CLCN5: variants seen among roughly 807,000 people sequenced by gnomAD.
The protein encoded by CLCN5 is Cl-/H+ antiporter 5, also known as H(+)/Cl(-) exchange transporter 5.
Under a neutral mutation model 54.0 loss-of-function variants are expected in CLCN5, and 17 were observed. That is an observed-to-expected ratio of 0.31 (90% CI 0.22 to 0.47). The LOEUF (loss-of-function observed/expected upper bound fraction) is 0.47, where lower values mean the gene tolerates loss of function less well. Among genes scored for constraint, CLCN5 ranks in the 20% least tolerant of loss-of-function variants. The probability of loss-of-function intolerance (pLI) is 1.00; values close to 1 mark genes in which losing one functional copy is unlikely to be tolerated. For synonymous variants in CLCN5, 222 were observed against 233.0 expected (o/e 0.95, Z 0.43); for missense variants, 448 against 646.7 (o/e 0.69, Z 3.33).
chrX:50,039,473 A>G (rs1932128324), intron 3 of CLCN5, among the ~76,000 whole-genome samples: 1 of 111,893 alleles, frequency 8.9e-6, no homozygotes, highest in Non-Finnish European at 1.9e-5. Context: ...CTTGCTTAGG[A>G]GATCCAAATG....
chrX:49,992,467 A>G (rs1015163616), intron 3 of CLCN5, among the ~76,000 whole-genome samples: 1 of 111,141 alleles, frequency 9.0e-6, no homozygotes, highest in Middle Eastern at 4.7e-3. Flanking sequence ...TAAAATTCCC[A>G]GTGACTGTCC....
rs782306046 is a variant in CLCN5 at position 50,080,695 on chromosome X, C to T, written c.705C>T (p.Ala235=). 8.3e-7 allele frequency: 1 copy of T among 1,205,038 alleles called. No individual in the cohort carries two copies. The highest frequency in any genetic ancestry group is 1.1e-6 in the Non-Finnish European group (1 of 889,812). ...VSLVKVFAPY[A]CGSGIPEIKT... is the part of the protein sequence containing the mutation. ...TTGTCAAGGTGTTTGCGCCTTATGC[C>T]TGTGGCTCTGGAATCCCTGAGGTGA... Residue 235 remains alanine (A), a synonymous_variant, in exon 8 of 15, where the codon GCC becomes GCT. Transcript: ENST00000376091.
intron 3 of CLCN5, among the ~76,000 whole-genome samples, chrX:49,974,763 C>T (rs190610856): frequency 9.0e-6 from 1 of 111,422 alleles, no homozygotes; most frequent in East Asian, 2.8e-4. Flanking sequence ...AGGGAGAAAA[C>T]GAAGTGAAAG....
rs150341909 is a variant in CLCN5, at chrX:49,932,515, C to T, written c.16+7201C>T. 7.3e-3 allele frequency among the ~76,000 whole-genome samples: 813 copies of T among 112,136 alleles called. 5 individuals carry two copies. The highest frequency in any genetic ancestry group is 0.032 in the Middle Eastern group (7 of 216). ...AAGTACCTGGCAGCAAGGAGCGCAGCATGTGTGGCCCCCTGGACAACTGCT... is the reference window on the plus strand; with the variant it reads ...AAGTACCTGGCAGCAAGGAGCGCAGTATGTGTGGCCCCCTGGACAACTGCT... On this transcript the variant is annotated intron_variant, in intron 3 of 14. Coordinates refer to ENST00000376091, the MANE Select transcript of CLCN5 (RefSeq NM_001127898.4).
chrX:49,930,208 A>G (rs190737082), intron 3 of CLCN5, among the ~76,000 whole-genome samples: 1 of 112,245 alleles, frequency 8.9e-6, no homozygotes, highest in Non-Finnish European at 1.9e-5. Flanking sequence ...CAAAGATTAA[A>G]AAGGAATGAC....
intron 3 of CLCN5, among the ~76,000 whole-genome samples, chrX:49,954,451 C>A (rs782214377): frequency 9.0e-6 from 1 of 111,471 alleles, no homozygotes; most frequent in African/African-American, 3.3e-5. Context: ...AGATTGGACA[C>A]CCCTGTTCTA....
intron 7 of CLCN5, among the ~76,000 whole-genome samples, chrX:50,077,487 T>G (rs1172704774): frequency 9.3e-6 from 1 of 107,389 alleles, no homozygotes; most frequent in Non-Finnish European, 1.9e-5. Context: ...TCAGCTCTGC[T>G]CCCGGGTACC....
At chrX:50,009,578 G>T (rs1557182136) in intron 3 of CLCN5, 1 of 314,389 alleles carries the variant, frequency 3.2e-6, no homozygotes, top group Non-Finnish European at 6.2e-6. Flanking sequence ...CCTTGTGCAG[G>T]GGGATGAATA....
rs1292251538 is a variant in CLCN5 at position 50,080,680 on chromosome X, G to T, written c.690G>T (p.Val230=). Residue 230 remains valine (V), a synonymous_variant, in exon 8 of 15, where the codon GTG becomes GTT. Transcript: ENST00000376091. ...FAFLAVSLVK[V]FAPYACGSGI... is the part of the protein sequence containing the mutation. ...TCCTTGCCGTATCTCTTGTCAAGGT[G>T]TTTGCGCCTTATGCCTGTGGCTCTG... 8.3e-7 allele frequency: 1 copy of T among 1,205,528 alleles called. No homozygotes were observed. The highest frequency in any genetic ancestry group is 2.2e-5 in the Admixed American group (1 of 45,984).
chrX:50,035,381 C>T (rs1015348442), intron 3 of CLCN5, among the ~76,000 whole-genome samples: 1 of 111,556 alleles, frequency 9.0e-6, no homozygotes, highest in African/African-American at 3.3e-5. Flanking sequence ...CCCTTCCTCC[C>T]CAACTGGAAT....
chrX:49,935,226 C>T (rs1162790258), intron 3 of CLCN5, among the ~76,000 whole-genome samples: 2 of 112,024 alleles, frequency 1.8e-5, no homozygotes, highest in African/African-American at 3.2e-5. Flanking sequence ...CTGCAGTCCA[C>T]CCCTGCTGGC....
At chrX:49,999,194 C>T (rs1196336112) in intron 3 of CLCN5, among the ~76,000 whole-genome samples, 2 of 110,951 alleles carry the variant, frequency 1.8e-5, no homozygotes, top group African/African-American at 6.6e-5. Flanking sequence ...AGACCTACGT[C>T]TGTGTACATC....
chrX:49,980,909 T>A (rs1014693754), intron 3 of CLCN5, among the ~76,000 whole-genome samples: 5 of 111,799 alleles, frequency 4.5e-5, no homozygotes, highest in Non-Finnish European at 9.4e-5. Flanking sequence ...TATTATTTTC[T>A]ATATTAAGTT....
intron 4 of CLCN5, 34 bp downstream of exon 4, chrX:50,042,496 T>G: frequency 1.1e-6 from 1 of 939,618 alleles, no homozygotes; most frequent in Non-Finnish European, 1.4e-6. Flanking sequence ...TTATCTTAAT[T>G]TTTTAAAATT....
intron 3 of CLCN5, among the ~76,000 whole-genome samples, chrX:49,940,600 A>G (rs1355697145): frequency 2.7e-5 from 3 of 112,268 alleles, no homozygotes; most frequent in Non-Finnish European, 5.6e-5. Context: ...TCCCACCCAT[A>G]ATACCTAATA....
At chrX:50,042,198 TAGTA>T (rs1281088001) in intron 3 of CLCN5, 114 bp from the exon 4 acceptor site, 4 of 329,273 alleles carry the variant, frequency 1.2e-5, no homozygotes, top group Non-Finnish European at 2.2e-5. Flanking sequence ...TAGTTGCACA[TAGTA>T]AGTGTACTCA....
At chrX:49,951,800 G>T (rs1298852247) in intron 3 of CLCN5, among the ~76,000 whole-genome samples, 1 of 111,888 alleles carries the variant, frequency 8.9e-6, no homozygotes, top group African/African-American at 3.2e-5. Flanking sequence ...TTCACCAAAC[G>T]GAAACTCTGT....
chrX:49,946,234 G>T (rs782400483), intron 3 of CLCN5, among the ~76,000 whole-genome samples: 1 of 112,002 alleles, frequency 8.9e-6, no homozygotes, highest in East Asian at 2.8e-4. Flanking sequence ...GCTGCATAAT[G>T]AATTACCACA....
At chrX:49,975,308 G>C (rs1275924624) in intron 3 of CLCN5, among the ~76,000 whole-genome samples, 1 of 111,879 alleles carries the variant, frequency 8.9e-6, no homozygotes, top group Non-Finnish European at 1.9e-5. Context: ...TCTGAGGCTA[G>C]TAGAAAGAAA....
Sources: gnomAD v4.1 joint callset for allele counts (sites outside exome capture counted in the v4.1 genomes callset) on GRCh38, gnomAD v4.1.1 for gene constraint, MANE v1.5 for transcripts, NCBI Gene and HGNC (gene_info 2026-07-23, HGNC 2026-07-21) for gene names.